The following OPCML variants were observed in gnomAD, a reference collection of about 807,000 sequenced individuals.
OPCML encodes the protein opioid-binding protein/cell adhesion molecule.
OPCML carries 13 observed loss-of-function variants against 37.8 expected under a neutral mutation model. That is an observed-to-expected ratio of 0.34 (90% CI 0.22 to 0.55). The LOEUF is 0.55. Ranked by LOEUF, OPCML falls within the 20% of genes least tolerant of loss-of-function variation. The probability of loss-of-function intolerance (pLI) is 0.91; values close to 1 mark genes in which losing one functional copy is unlikely to be tolerated. For missense variants in OPCML, 341 were observed against 435.6 expected (o/e 0.78, Z 1.93); for synonymous variants, 176 against 168.8 (o/e 1.04, Z -0.33).
chr11:133,128,235 C>T (rs1201709071), intron 1 of OPCML, among the ~76,000 whole-genome samples: 1 of 152,078 alleles, frequency 6.6e-6, no homozygotes, highest in Non-Finnish European at 1.5e-5. Flanking sequence ...CAGCCCCGTC[C>T]CCTCATGCCC....
intron 1 of OPCML, among the ~76,000 whole-genome samples, chr11:133,141,095 G>GAAGAAGAAGAAGGAGA (rs1565469375): frequency 7.7e-5 from 1 of 12,928 alleles, no homozygotes; most frequent in African/African-American, 1.4e-4. Context: ...GAAGAAGAAG[G>GAAGAAGAAGAAGGAGA]AGAAGAAGAA....
chr11:133,051,594 C>G (rs1393477820), intron 1 of OPCML, among the ~76,000 whole-genome samples: 1 of 152,210 alleles, frequency 6.6e-6, no homozygotes, highest in Admixed American at 6.5e-5. Flanking sequence ...ACACATCTCC[C>G]CAGCAGCACA....
At chr11:132,935,320 A>G (rs567950354) in intron 2 of OPCML, among the ~76,000 whole-genome samples, 12 of 152,300 alleles carry the variant, frequency 7.9e-5, no homozygotes, top group Non-Finnish European at 1.5e-4. Flanking sequence ...ATAGAAAATT[A>G]TCGTATTCTT....
intron 2 of OPCML, chr11:132,771,732 G>C (rs567200410): frequency 6.6e-6 from 1 of 152,168 alleles, no homozygotes; most frequent in Non-Finnish European, 1.5e-5. Context: ...CAATGAAAAC[G>C]CACAGCATAT....
intron 1 of OPCML, among the ~76,000 whole-genome samples, chr11:133,170,367 TC>T (rs1396107362): frequency 1.3e-5 from 2 of 152,102 alleles, no homozygotes; most frequent in Non-Finnish European, 2.9e-5. Context: ...GCGCCTGTAG[TC>T]CCAGCTACTC....
At chr11:133,051,102 C>T (rs1462527677) in intron 1 of OPCML, among the ~76,000 whole-genome samples, 1 of 151,650 alleles carries the variant, frequency 6.6e-6, no homozygotes, top group Non-Finnish European at 1.5e-5. Flanking sequence ...AAAGCTTATG[C>T]CCTCTGAATA....
intron 3 of OPCML, among the ~76,000 whole-genome samples, chr11:132,596,631 G>C (rs2096492936): frequency 6.6e-6 from 1 of 152,176 alleles, no homozygotes; most frequent in African/African-American, 2.4e-5. Context: ...GATCTAGGAG[G>C]TGGGGAGGAC....
intron 1 of OPCML, among the ~76,000 whole-genome samples, chr11:133,087,281 A>G (rs1715552932): frequency 6.6e-6 from 1 of 152,144 alleles, no homozygotes; most frequent in Non-Finnish European, 1.5e-5. Context: ...ATTTTCTTTC[A>G]TTGTATAATT....
chr11:133,033,621 G>T (rs58959572), intron 1 of OPCML, among the ~76,000 whole-genome samples: 1 of 152,062 alleles, frequency 6.6e-6, no homozygotes, highest in South Asian at 2.1e-4. Flanking sequence ...TAGCTGTCAC[G>T]TTGAAGCTGG....
chr11:133,408,625 C>T (rs1344280504), intron 1 of OPCML, among the ~76,000 whole-genome samples: 1 of 152,166 alleles, frequency 6.6e-6, no homozygotes, highest in Non-Finnish European at 1.5e-5. Context: ...CACCCAGAGG[C>T]AGGGCTGCTC....
At chr11:132,927,552 G>A (rs2136615331) in intron 2 of OPCML, among the ~76,000 whole-genome samples, 1 of 152,182 alleles carries the variant, frequency 6.6e-6, no homozygotes, top group African/African-American at 2.4e-5. Context: ...ATTACCACTA[G>A]ACCTGCACTT....
chr11:132,855,904 T>C (rs947138442), intron 2 of OPCML, among the ~76,000 whole-genome samples: 1 of 152,252 alleles, frequency 6.6e-6, no homozygotes, highest in African/African-American at 2.4e-5. Context: ...AGACCCTTAA[T>C]TGCATTTTTA....
At chr11:132,812,538 G>T (rs549744859) in intron 2 of OPCML, among the ~76,000 whole-genome samples, 1 of 152,264 alleles carries the variant, frequency 6.6e-6, no homozygotes, top group South Asian at 2.1e-4. Flanking sequence ...CAATTAGGAG[G>T]TTATTGGAAA....
intron 2 of OPCML, among the ~76,000 whole-genome samples, chr11:132,900,080 G>T (rs114718882): frequency 1.2e-3 from 178 of 152,204 alleles, no homozygotes; most frequent in African/African-American, 4.0e-3. Context: ...TGATTTTTAT[G>T]TCTCTAGAGA....
At chr11:132,657,035 T>C (rs1289796955) in intron 3 of OPCML, 52 bp downstream of exon 3, 18 of 1,591,552 alleles carry the variant, frequency 1.1e-5, no homozygotes, top group Non-Finnish European at 1.3e-5. Flanking sequence ...AACACTGTTC[T>C]TCCCCTCCAT....
At chr11:133,437,343 C>A (rs1372110185) in intron 1 of OPCML, among the ~76,000 whole-genome samples, 2 of 152,128 alleles carry the variant, frequency 1.3e-5, no homozygotes, top group African/African-American at 4.8e-5. Context: ...GCTATTTCCT[C>A]CACTTTCTCT....
At chr11:133,422,942 C>A (rs543309309) in intron 1 of OPCML, 2 of 985,296 alleles carry the variant, frequency 2.0e-6, no homozygotes, top group African/African-American at 3.5e-5. Context: ...GGGGCTAGAA[C>A]AAAATGCTCT....
At chr11:133,507,951 A>C (rs1048434022) in intron 1 of OPCML, among the ~76,000 whole-genome samples, 2 of 152,088 alleles carry the variant, frequency 1.3e-5, no homozygotes, top group African/African-American at 4.8e-5. Context: ...TGTCTCAAAA[A>C]AAAAAAAAAA....
chr11:133,078,121 C>T (rs1948651374), intron 1 of OPCML, among the ~76,000 whole-genome samples: 1 of 152,156 alleles, frequency 6.6e-6, no homozygotes, highest in Non-Finnish European at 1.5e-5. Flanking sequence ...AAGATGTCTG[C>T]TGCAGTGTTG....
Sources: allele counts gnomAD v4.1 joint callset (sites outside exome capture counted in the v4.1 genomes callset), GRCh38; gene constraint gnomAD v4.1.1; transcripts MANE v1.5; gene names NCBI Gene and HGNC (gene_info 2026-07-23, HGNC 2026-07-21).